BCKDHB: variants seen among roughly 807,000 people sequenced by gnomAD.
BCKDHB encodes 2-oxoisovalerate dehydrogenase subunit beta, mitochondrial.
A neutral mutation model predicts 48.5 loss-of-function variants in BCKDHB; 41 were observed. That is an observed-to-expected ratio of 0.85 (90% CI 0.66 to 1.10). The LOEUF (loss-of-function observed/expected upper bound fraction) is 1.10. Ranked by LOEUF, BCKDHB falls within the 50% of genes least tolerant of loss-of-function variation. BCKDHB has a pLI of 0.00. For synonymous variants in BCKDHB, 201 were observed against 174.8 expected (o/e 1.15, Z -1.18); for missense variants, 496 against 494.2 (o/e 1.00, Z -0.03).
chr6:80,408,400 T>A, the BCKDHB span, among the ~76,000 whole-genome samples: 2 of 152,178 alleles, frequency 1.3e-5, no homozygotes, highest in African/African-American at 4.8e-5. Flanking sequence ...CTTCTTTTTC[T>A]TTTGATTGGA....
chr6:80,217,472 T>C (rs954732074), intron 8 of BCKDHB, among the ~76,000 whole-genome samples: 15 of 152,246 alleles, frequency 9.9e-5, no homozygotes, highest in Non-Finnish European at 2.1e-4. Context: ...TTTGGCATTG[T>C]GATCATATCA....
At chr6:80,316,705 C>A (rs1046808796) in intron 9 of BCKDHB, among the ~76,000 whole-genome samples, 3 of 152,152 alleles carry the variant, frequency 2.0e-5, no homozygotes, top group African/African-American at 7.2e-5. Context: ...GGAAACTGAT[C>A]TCATTTGTTT....
At chr6:80,266,239 AT>A (rs1391367287) in intron 8 of BCKDHB, among the ~76,000 whole-genome samples, 5 of 152,272 alleles carry the variant, frequency 3.3e-5, no homozygotes, top group African/African-American at 1.2e-4. Flanking sequence ...GAGATTAGGA[AT>A]AAGTTTATGA....
At chr6:80,175,584 C>G (rs1409028449) in intron 6 of BCKDHB, among the ~76,000 whole-genome samples, 2 of 152,010 alleles carry the variant, frequency 1.3e-5, no homozygotes, top group African/African-American at 4.8e-5. Flanking sequence ...GAAAATGTTA[C>G]TGGTCATTGC....
At chr6:80,199,798 G>T (rs1426320434) in intron 6 of BCKDHB, among the ~76,000 whole-genome samples, 2 of 95,864 alleles carry the variant, frequency 2.1e-5, no homozygotes, top group Middle Eastern at 0.012. Context: ...AAAAAAAAAA[G>T]GCCGGGCACA....
intron 9 of BCKDHB, among the ~76,000 whole-genome samples, chr6:80,313,291 C>T (rs187528984): frequency 1.3e-5 from 2 of 152,058 alleles, no homozygotes; most frequent in Non-Finnish European, 2.9e-5. Flanking sequence ...TTTAATATCC[C>T]AGTATTTCTG....
chr6:80,431,413 A>G, the BCKDHB span, among the ~76,000 whole-genome samples: 3 of 152,150 alleles, frequency 2.0e-5, no homozygotes, highest in Non-Finnish European at 2.9e-5. Context: ...TAATATTGCC[A>G]GAGGGGTGTT....
Position 80,106,699 on chromosome 6 carries a change from G to T in BCKDHB, c.6G>T (p.Ala2=), listed in dbSNP as rs2127698622. Residue 2 remains alanine, a synonymous_variant, in exon 1 of 10, where the codon GCG becomes GCT. Coordinates refer to ENST00000320393, the MANE Select transcript of BCKDHB (RefSeq NM_183050.4). The stretch of plus-strand genomic sequence containing the variant: ...AATCCCGGTGGTGAGCGGGGATGGC[G>T]GTTGTAGCGGCGGCTGCCGGCTGGC... M[A]VVAAAAGWLL... The T allele has an allele frequency of 1.3e-6, 2 of 1,556,218 alleles. No homozygotes were observed. The highest frequency in any genetic ancestry group is 1.7e-6 in the Non-Finnish European group (2 of 1,150,628).
At chr6:80,405,061 A>G in the BCKDHB span, among the ~76,000 whole-genome samples, 1 of 151,946 alleles carries the variant, frequency 6.6e-6, no homozygotes, top group African/African-American at 2.4e-5. Context: ...CATTTCCTCT[A>G]TAGTGCTGCT....
At chr6:80,432,424 T>C in the BCKDHB span, among the ~76,000 whole-genome samples, 1 of 152,162 alleles carries the variant, frequency 6.6e-6, no homozygotes, top group Non-Finnish European at 1.5e-5. Flanking sequence ...CTTTATTTCA[T>C]TAAGTTGGTC....
the BCKDHB span, among the ~76,000 whole-genome samples, chr6:80,390,216 A>G: frequency 6.6e-6 from 1 of 152,154 alleles, no homozygotes; most frequent in Non-Finnish European, 1.5e-5. Flanking sequence ...ATCTCTTACT[A>G]TTACCATGCC....
chr6:80,351,717 A>C, the BCKDHB span, among the ~76,000 whole-genome samples: 1 of 142,762 alleles, frequency 7.0e-6, no homozygotes, highest in Non-Finnish European at 1.5e-5. Flanking sequence ...ATCTCGGCTC[A>C]CTTCAGCCTC....
At chr6:80,388,310 T>C in the BCKDHB span, among the ~76,000 whole-genome samples, 3 of 152,150 alleles carry the variant, frequency 2.0e-5, no homozygotes, top group Non-Finnish European at 4.4e-5. Context: ...GGGATGCTGT[T>C]TGGGGCCTTT....
At chr6:80,414,476 G>A in the BCKDHB span, among the ~76,000 whole-genome samples, 1 of 152,200 alleles carries the variant, frequency 6.6e-6, no homozygotes, top group South Asian at 2.1e-4. Context: ...GTGGTATAAG[G>A]AAGAGATCCA....
chr6:80,123,775 T>A (rs938533882), intron 1 of BCKDHB, among the ~76,000 whole-genome samples: 3 of 152,220 alleles, frequency 2.0e-5, no homozygotes, highest in Non-Finnish European at 4.4e-5. Flanking sequence ...TATTTGATTC[T>A]TCTCTGTTTT....
intron 9 of BCKDHB, among the ~76,000 whole-genome samples, chr6:80,303,258 C>T (rs974310630): frequency 1.6e-4 from 24 of 151,978 alleles, no homozygotes; most frequent in African/African-American, 5.1e-4. Flanking sequence ...ATGTCAGTAT[C>T]CACTGGCATC....
chr6:80,357,790 G>A, the BCKDHB span, among the ~76,000 whole-genome samples: 2 of 152,138 alleles, frequency 1.3e-5, no homozygotes, highest in African/African-American at 2.4e-5. Context: ...AGTTTTCTGC[G>A]CAATCCTGGA....
intron 8 of BCKDHB, among the ~76,000 whole-genome samples, chr6:80,221,952 T>A (rs1775472882): frequency 6.6e-6 from 1 of 152,168 alleles, no homozygotes; most frequent in Non-Finnish European, 1.5e-5. Context: ...TTTATTATTA[T>A]TTTTTAAAAC....
chr6:80,187,032 C>G (rs1246049842), intron 6 of BCKDHB, among the ~76,000 whole-genome samples: 2 of 152,090 alleles, frequency 1.3e-5, no homozygotes, highest in African/African-American at 4.8e-5. Context: ...TTTTGGTTTT[C>G]CTGGTAGGTT....
Sources: gnomAD v4.1 joint callset for allele counts (sites outside exome capture counted in the v4.1 genomes callset) on GRCh38, gnomAD v4.1.1 for gene constraint, MANE v1.5 for transcripts, NCBI Gene and HGNC (gene_info 2026-07-23, HGNC 2026-07-21) for gene names.